The following CECR2 variants were observed in gnomAD, a reference collection of about 807,000 sequenced individuals.
The protein encoded by CECR2 is chromatin remodeling regulator CECR2.
Under a neutral mutation model 154.5 loss-of-function variants are expected in CECR2, and 30 were observed. The ratio of observed to expected loss-of-function variants is 0.19; its 90% CI spans 0.15 to 0.26. The LOEUF (loss-of-function observed/expected upper bound fraction) is 0.26, where lower values mean the gene tolerates loss of function less well. CECR2 is among the 10% of genes least tolerant of loss of function. CECR2 has a pLI of 1.00. For missense variants in CECR2, 1,743 were observed against 1,829.3 expected, an observed-to-expected ratio of 0.95 and a Z score of 0.86; for synonymous variants, 725 against 683.7, an observed-to-expected ratio of 1.06 and a Z score of -0.94.
intron 1 of CECR2, among the ~76,000 whole-genome samples, chr22:17,404,653 G>A (rs1382741832): frequency 5.3e-5 from 7 of 131,138 alleles, no homozygotes; most frequent in East Asian, 2.9e-4. Flanking sequence ...GATTACAGGC[G>A]TGAACCACCG....
intron 1 of CECR2, among the ~76,000 whole-genome samples, chr22:17,455,220 G>GC (rs1369423056): frequency 6.6e-6 from 1 of 152,238 alleles, no homozygotes; most frequent in East Asian, 1.9e-4. Context: ...AAATAATTAG[G>GC]CTAAGTTGTG....
intron 1 of CECR2, among the ~76,000 whole-genome samples, chr22:17,379,634 T>C (rs2063163752): frequency 6.7e-6 from 1 of 148,268 alleles, no homozygotes; most frequent in East Asian, 2.0e-4. Context: ...GTTTGCGATA[T>C]ATGCATATGT....
chr22:17,415,875 T>C (rs1318115998), intron 1 of CECR2, among the ~76,000 whole-genome samples: 1 of 152,202 alleles, frequency 6.6e-6, no homozygotes, highest in Non-Finnish European at 1.5e-5. Flanking sequence ...CGTCGGTCCA[T>C]TGTGTAGCAT....
At chr22:17,399,015 T>C (rs781497064) in intron 1 of CECR2, among the ~76,000 whole-genome samples, 3 of 152,166 alleles carry the variant, frequency 2.0e-5, no homozygotes, top group Non-Finnish European at 4.4e-5. Context: ...ATGCAGAATC[T>C]CAGGCCTTAC....
chr22:17,499,806 A>T (rs1011379000), intron 4 of CECR2, among the ~76,000 whole-genome samples: 1 of 152,204 alleles, frequency 6.6e-6, no homozygotes, highest in Non-Finnish European at 1.5e-5. Context: ...CTCTTGCCAC[A>T]GGCTATTTTA....
chr22:17,508,085 A>G (rs1355076664), intron 7 of CECR2, among the ~76,000 whole-genome samples: 1 of 152,216 alleles, frequency 6.6e-6, no homozygotes, highest in Non-Finnish European at 1.5e-5. Flanking sequence ...TCCATAGTAT[A>G]TACAATAATG....
chr22:17,533,323 C>CAAA (rs142402299), intron 9 of CECR2, among the ~76,000 whole-genome samples: 1 of 97,074 alleles, frequency 1.0e-5, no homozygotes, highest in African/African-American at 3.9e-5. Flanking sequence ...ACTCTATCTC[C>CAAA]AAAAAAAAAA....
chr22:17,459,137 A>C (rs1214645119), intron 1 of CECR2, among the ~76,000 whole-genome samples: 1 of 152,218 alleles, frequency 6.6e-6, no homozygotes, highest in African/African-American at 2.4e-5. Context: ...CTAGATTCCA[A>C]AGGATTGATT....
intron 1 of CECR2, among the ~76,000 whole-genome samples, chr22:17,363,429 C>T (rs181441280): frequency 9.7e-4 from 147 of 152,194 alleles, no homozygotes; most frequent in Non-Finnish European, 1.4e-3. Flanking sequence ...AGGCTGGTCT[C>T]GAACTCCTGA....
At chr22:17,404,247 A>T (rs1436433595) in intron 1 of CECR2, among the ~76,000 whole-genome samples, 1 of 135,344 alleles carries the variant, frequency 7.4e-6, no homozygotes, top group African/African-American at 2.7e-5. Flanking sequence ...TGACAGTGCG[A>T]GACTCTGTCC....
chr22:17,404,983 T>C (rs1043577802), intron 1 of CECR2, among the ~76,000 whole-genome samples: 2 of 152,066 alleles, frequency 1.3e-5, no homozygotes, highest in Admixed American at 6.6e-5. Flanking sequence ...TGATGGTACC[T>C]CTCTCTCTCT....
At position 17,548,184 on chromosome 22, in the gene CECR2, G is replaced by A; in HGVS notation, c.2897G>A (p.Gly966Asp). ...PLPGLEEKPP[G>D]VGTSEGVYLT... ...CCTGGCCTTGAAGAGAAACCACCAG[G>A]TGTTGGTACTTCAGAGGGGGTCTAC... The change falls in exon 17 of 19, where the codon GGT (glycine) becomes GAT (aspartate). Residue 966 changes from glycine (G) to aspartate (D), a missense_variant. Gly to Asp is a moderately conservative substitution (Grantham distance 94, BLOSUM62 -1). Transcript: ENST00000262608. 6.3e-7 allele frequency: 1 copy of A among 1,576,868 alleles called. No individual in the cohort carries two copies. Among genetic ancestry groups the A allele is most frequent in the Non-Finnish European group, 8.6e-7 (1 of 1,161,612 alleles).
chr22:17,545,611 A>G (rs2056601666), intron 16 of CECR2, among the ~76,000 whole-genome samples: 1 of 151,782 alleles, frequency 6.6e-6, no homozygotes, highest in African/African-American at 2.4e-5. Context: ...TTGGGAGGCC[A>G]CAGTGGGTGG....
At chr22:17,519,526 G>A (rs148142006) in intron 8 of CECR2, among the ~76,000 whole-genome samples, 1 of 152,210 alleles carries the variant, frequency 6.6e-6, no homozygotes, top group African/African-American at 2.4e-5. Flanking sequence ...CCACAGTGCT[G>A]GGATTACAGG....
chr22:17,459,136 A>G (rs982311325), intron 1 of CECR2, among the ~76,000 whole-genome samples: 1 of 152,236 alleles, frequency 6.6e-6, no homozygotes, highest in Non-Finnish European at 1.5e-5. Flanking sequence ...CCTAGATTCC[A>G]AAGGATTGAT....
chr22:17,423,473 C>G (rs1034713131), intron 1 of CECR2, among the ~76,000 whole-genome samples: 1 of 151,272 alleles, frequency 6.6e-6, no homozygotes, highest in Non-Finnish European at 1.5e-5. Context: ...CGCCACTGCA[C>G]TCCAGCCTGG....
At position 17,530,909 on chromosome 22, in the gene CECR2, G is replaced by A. The variant is rs55820688; in HGVS notation, c.1109-6194G>A. Among the ~76,000 whole-genome samples the A allele has an allele frequency of 6.4e-3, 972 of 152,310 alleles. 11 individuals carry two copies. The highest frequency in any genetic ancestry group is 0.022 in the African/African-American group (928 of 41,570). ...CAAATGTTTTGTACTAGAGGCTGAG[G>A]TGAGAGGGAAATGGGGAGTCAGTGT... On this transcript the variant is annotated intron_variant, in intron 9 of 18. Transcript: ENST00000262608.
intron 1 of CECR2, among the ~76,000 whole-genome samples, chr22:17,362,226 T>C (rs1001054549): frequency 6.6e-6 from 1 of 152,016 alleles, no homozygotes; most frequent in Non-Finnish European, 1.5e-5. Context: ...GTATTTTCAG[T>C]AAAGATGAGG....
Position 17,369,589 on chromosome 22 carries a change from C to A in CECR2, c.-195C>A, listed in dbSNP as rs1232071208. 1.4e-5 allele frequency: 2 copies of A among 146,978 alleles called. No homozygotes were observed. Among genetic ancestry groups the A allele is most frequent in the Non-Finnish European group, 3.0e-5 (2 of 65,912 alleles). The allele number at this position is 146,978 out of a possible 1,614,324, so 9.1% of individuals were successfully genotyped here. ...GCCGCAGCCGCCTCAGTAGTTCGGG[C>A]CCCCGCGCCGCCGCCCCCCGCCCGG... On this transcript the variant is annotated 5_prime_UTR_variant, in exon 1 of 19. Transcript: ENST00000262608.
Sources: gnomAD v4.1 joint callset for allele counts (sites outside exome capture counted in the v4.1 genomes callset) on GRCh38, gnomAD v4.1.1 for gene constraint, MANE v1.5 for transcripts, NCBI Gene and HGNC (gene_info 2026-07-23, HGNC 2026-07-21) for gene names.